EYS: variants seen among roughly 807,000 people sequenced by gnomAD.
The protein encoded by EYS is protein eyes shut homolog.
Under a neutral mutation model 282.1 loss-of-function variants are expected in EYS, and 250 were observed. That is an observed-to-expected ratio of 0.89 (90% CI 0.80 to 0.98). The LOEUF (loss-of-function observed/expected upper bound fraction) is 0.98, where lower values mean the gene tolerates loss of function less well. Among genes scored for constraint, EYS ranks in the 50% least tolerant of loss-of-function variants. The probability of loss-of-function intolerance (pLI) is 0.00; values close to 1 mark genes in which losing one functional copy is unlikely to be tolerated. For synonymous variants in EYS, 1,355 were observed against 1,282.9 expected, an observed-to-expected ratio of 1.06 and a Z score of -1.20; for missense variants, 4,016 against 3,709.0, an observed-to-expected ratio of 1.08 and a Z score of -2.15.
At chr6:64,745,945 T>C (rs954870125) in intron 22 of EYS, among the ~76,000 whole-genome samples, 7 of 152,028 alleles carry the variant, frequency 4.6e-5, no homozygotes, top group Non-Finnish European at 8.8e-5. Flanking sequence ...AGTCCTTGAG[T>C]AGTAGCCTCC....
intron 15 of EYS, among the ~76,000 whole-genome samples, chr6:64,933,146 C>T (rs1411584064): frequency 6.6e-6 from 1 of 151,730 alleles, no homozygotes; most frequent in African/African-American, 2.4e-5. Context: ...GAAATATAAA[C>T]TATTATATAA....
intron 41 of EYS, among the ~76,000 whole-genome samples, chr6:63,748,003 G>A (rs1011568885): frequency 6.6e-6 from 1 of 152,134 alleles, no homozygotes; most frequent in African/African-American, 2.4e-5. Context: ...GATGCTAGCT[G>A]GTTATTTTGC....
chr6:64,421,269 T>G (rs1455408431), intron 28 of EYS, among the ~76,000 whole-genome samples: 2 of 152,084 alleles, frequency 1.3e-5, no homozygotes, highest in Admixed American at 6.6e-5. Context: ...AAAAAAACCC[T>G]CAGATCTCAT....
rs549313234 is a variant in EYS at position 64,022,607 on chromosome 6, A to C, written c.6726-23424T>G. Among the ~76,000 whole-genome samples, 6 of 152,334 alleles carry C rather than the reference A, an allele frequency of 3.9e-5. No individual in the cohort carries two copies. The South Asian group carries it at 1.2e-3, about 32-fold the overall frequency. ...AAACAGAGTTCAGAGCCAGAAAGAAAAAAGCACCCAGGGCACATAACATTT... is the reference window on the plus strand; with the variant it reads ...AAACAGAGTTCAGAGCCAGAAAGAACAAAGCACCCAGGGCACATAACATTT... On this transcript the variant is annotated intron_variant, in intron 33 of 42. Coordinates refer to ENST00000503581, the MANE Select transcript of EYS (RefSeq NM_001142800.2).
In EYS at chr6:64,498,661, C is replaced by T. The variant is rs113594100; in HGVS notation, c.5645-59309G>A. Among the ~76,000 whole-genome samples the T allele has an allele frequency of 4.5e-3, 677 of 151,146 alleles. 5 individuals carry two copies. Among genetic ancestry groups the T allele is most frequent in the African/African-American group, 0.015 (635 of 41,282 alleles). On this transcript the variant is annotated intron_variant, in intron 26 of 42. Transcript: ENST00000503581. ...CCAACAGGCCCTGGTGTGTGATGTTCCCCTCCCTGTGTCCATGTGTTCTCA... is the reference window on the plus strand; with the variant it reads ...CCAACAGGCCCTGGTGTGTGATGTTTCCCTCCCTGTGTCCATGTGTTCTCA...
chr6:64,990,235 A>G (rs1771019353), intron 14 of EYS, among the ~76,000 whole-genome samples: 2 of 151,482 alleles, frequency 1.3e-5, no homozygotes, highest in South Asian at 2.1e-4. Flanking sequence ...AACCCCTTAA[A>G]TGCATGATAT....
At chr6:64,990,326 T>C (rs2150122033) in intron 14 of EYS, among the ~76,000 whole-genome samples, 1 of 151,696 alleles carries the variant, frequency 6.6e-6, no homozygotes, top group Admixed American at 6.6e-5. Context: ...CTAAATGGCA[T>C]ATAAAATGTT....
intron 31 of EYS, among the ~76,000 whole-genome samples, chr6:64,226,285 A>C (rs1766250592): frequency 6.6e-6 from 1 of 152,058 alleles, no homozygotes; most frequent in South Asian, 2.1e-4. Flanking sequence ...TCTCACTTTT[A>C]TTTCTACTTT....
intron 2 of EYS, among the ~76,000 whole-genome samples, chr6:65,615,745 T>C (rs2046837): frequency 0.19 from 28,346 of 151,564 alleles, 2,789 homozygotes; most frequent in African/African-American, 0.25. Context: ...TCAACCTGGC[T>C]AACACGGTGA....
chr6:65,234,005 C>T (rs1372308727), intron 12 of EYS, among the ~76,000 whole-genome samples: 1 of 152,158 alleles, frequency 6.6e-6, no homozygotes, highest in Non-Finnish European at 1.5e-5. Context: ...GTCTCTCTTC[C>T]TGATTCTATC....
intron 28 of EYS, among the ~76,000 whole-genome samples, chr6:64,406,130 C>A (rs1773699408): frequency 6.6e-6 from 1 of 152,118 alleles, no homozygotes. Context: ...ACCAGTGGAA[C>A]ATAACAGAGG....
At chr6:65,406,109 C>A (rs1016858472) in intron 5 of EYS, among the ~76,000 whole-genome samples, 1 of 152,056 alleles carries the variant, frequency 6.6e-6, no homozygotes, top group Non-Finnish European at 1.5e-5. Context: ...TTATTATAGT[C>A]ATTCTAGTAA....
intron 27 of EYS, among the ~76,000 whole-genome samples, chr6:64,437,073 G>C (rs537325823): frequency 1.3e-5 from 2 of 151,134 alleles, no homozygotes; most frequent in African/African-American, 4.8e-5. Context: ...CAAAGATAAA[G>C]ATAATGCTAT....
At chr6:64,289,054 C>A (rs1013066535) in intron 30 of EYS, among the ~76,000 whole-genome samples, 2 of 152,190 alleles carry the variant, frequency 1.3e-5, no homozygotes, top group Middle Eastern at 3.4e-3. Flanking sequence ...AAATGCATAT[C>A]TTAACCCTGA....
chr6:64,088,252 A>T (rs1439074864), intron 31 of EYS, among the ~76,000 whole-genome samples: 1 of 152,064 alleles, frequency 6.6e-6, no homozygotes, highest in Admixed American at 6.6e-5. Flanking sequence ...ACACACTCCA[A>T]ATTTATTTCT....
rs145134842 is a variant in EYS at position 64,651,921 on chromosome 6, CT to C, written c.3444-25677del. 3.8e-3 allele frequency among the ~76,000 whole-genome samples: 578 copies of C among 152,186 alleles called. 5 individuals carry two copies. The highest frequency in any genetic ancestry group is 0.013 in the African/African-American group (530 of 41,512). ...TCATATTGCTTATCAAAAGATTTTG[CT>C]GTTATTGTTTAATGTTGAGATAAAG... On this transcript the variant is annotated intron_variant, in intron 22 of 42. Transcript: ENST00000503581.
At chr6:64,360,436 C>T (rs776688346) in intron 29 of EYS, among the ~76,000 whole-genome samples, 8 of 151,708 alleles carry the variant, frequency 5.3e-5, no homozygotes, top group Non-Finnish European at 1.2e-4. Flanking sequence ...TTGTGTGCCG[C>T]TATGTCATTA....
intron 12 of EYS, among the ~76,000 whole-genome samples, chr6:65,237,900 T>C (rs1020190008): frequency 1.3e-5 from 2 of 152,104 alleles, no homozygotes; most frequent in African/African-American, 4.8e-5. Flanking sequence ...CAGTGAATCA[T>C]GGCCCATTTT....
At chr6:65,346,605 T>A (rs1439362290) in intron 9 of EYS, among the ~76,000 whole-genome samples, 1 of 151,322 alleles carries the variant, frequency 6.6e-6, no homozygotes, top group Non-Finnish European at 1.5e-5. Context: ...AACGAGGGGA[T>A]CAATTTAGGA....
Sources: gnomAD v4.1 joint callset for allele counts (sites outside exome capture counted in the v4.1 genomes callset) on GRCh38, gnomAD v4.1.1 for gene constraint, MANE v1.5 for transcripts, NCBI Gene and HGNC (gene_info 2026-07-23, HGNC 2026-07-21) for gene names.